Variants in COL6A6 observed in about 807,000 individuals in gnomAD.
COL6A6 encodes collagen type VI alpha 6 chain, also known as collagen alpha-6(VI) chain.
A neutral mutation model predicts 208.6 loss-of-function variants in COL6A6; 183 were observed. That is an observed-to-expected ratio of 0.88 (90% CI 0.78 to 0.99). The LOEUF is 0.99. COL6A6 is among the 50% of genes least tolerant of loss of function. COL6A6 has a pLI of 0.00. For missense variants in COL6A6, 2,816 were observed against 2,815.2 expected, an observed-to-expected ratio of 1.00 and a Z score of -0.01; for synonymous variants, 973 against 1,011.8, an observed-to-expected ratio of 0.96 and a Z score of 0.73.
chr3:130,606,864 G>T (rs1172323528), intron 20 of COL6A6, 67 bp from the exon 21 acceptor site: 1 of 1,269,650 alleles, frequency 7.9e-7, no homozygotes, highest in Non-Finnish European at 1.1e-6. Flanking sequence ...TGTCCATTAT[G>T]AATTTAAATC....
At chr3:130,623,406 C>T (rs1197755589) in intron 24 of COL6A6, among the ~76,000 whole-genome samples, 1 of 152,134 alleles carries the variant, frequency 6.6e-6, no homozygotes, top group East Asian at 1.9e-4. Flanking sequence ...TTGTAATGAG[C>T]CAAGATCCTG....
chr3:130,667,647 G>C (rs1020438401), intron 36 of COL6A6, among the ~76,000 whole-genome samples: 2 of 152,088 alleles, frequency 1.3e-5, no homozygotes, highest in African/African-American at 4.8e-5. Context: ...GGTTTTAACA[G>C]AAAAAGTTCT....
At position 130,517,207 on chromosome 3, in the gene COL6A6, C is replaced by G. The variant is rs1474778781; in HGVS notation, c.-222C>G. On this transcript the variant is annotated 5_prime_UTR_variant, in exon 1 of 37. Transcript: ENST00000358511. ...CCGCTTGCCTGCGGGACACCGGAGT[C>G]AAGAGGCTGCCCACGCCGCTGCCTG... Among the ~76,000 whole-genome samples, 1 of 152,218 alleles carries G rather than the reference C, an allele frequency of 6.6e-6. No individual in the cohort carries two copies. The highest frequency in any genetic ancestry group is 2.4e-5 in the African/African-American group (1 of 41,460).
intron 36 of COL6A6, among the ~76,000 whole-genome samples, 198 bp from the exon 37 acceptor site, chr3:130,675,004 A>G (rs1352962579): frequency 1.3e-5 from 2 of 152,232 alleles, no homozygotes; most frequent in African/African-American, 4.8e-5. Context: ...ACTTTTGCAT[A>G]CTTTGATGAG....
intron 10 of COL6A6, among the ~76,000 whole-genome samples, chr3:130,584,740 G>C (rs958318304): frequency 2.0e-5 from 3 of 151,764 alleles, no homozygotes; most frequent in Admixed American, 2.0e-4. Flanking sequence ...TCAGCCTCCC[G>C]AGTAGCTGGG....
At chr3:130,526,655 A>C (rs2061967901) in intron 1 of COL6A6, among the ~76,000 whole-genome samples, 1 of 152,164 alleles carries the variant, frequency 6.6e-6, no homozygotes, top group Non-Finnish European at 1.5e-5. Flanking sequence ...CATTTAAAAC[A>C]TGTTTTGAAG....
rs878947969 is a variant in COL6A6 at position 130,676,330 on chromosome 3, G to GT, written c.*937dup. On this transcript the variant is annotated 3_prime_UTR_variant, in exon 37 of 37. Coordinates refer to ENST00000358511, the MANE Select transcript of COL6A6 (RefSeq NM_001102608.3). ...TTTAGAAAAATGTAAGAAAATCATT[G>GT]TTTTAATCTACAAATTCATATGCAG... is the stretch of plus-strand genomic sequence containing the variant. 6.6e-6 allele frequency: 1 copy of GT among 152,170 alleles called. No homozygotes were observed. The highest frequency in any genetic ancestry group is 2.1e-4 in the South Asian group (1 of 4,828). The allele number at this position is 152,170 out of a possible 1,614,324, so 9.4% of individuals were successfully genotyped here.
intron 8 of COL6A6, among the ~76,000 whole-genome samples, chr3:130,576,205 T>G (rs1189013923): frequency 6.6e-6 from 1 of 152,152 alleles, no homozygotes; most frequent in Non-Finnish European, 1.5e-5. Flanking sequence ...TGCTTTAGAA[T>G]TTCCAGGATT....
Position 130,565,586 on chromosome 3 carries a change from T to C in COL6A6, c.1254T>C (p.Phe418=). Residue 418 remains phenylalanine, a synonymous_variant, in exon 4 of 37, where the codon TTT becomes TTC. Coordinates refer to ENST00000358511, the MANE Select transcript of COL6A6 (RefSeq NM_001102608.3). ...RNQITHTVSV[F]SERTETLKSG... ...AAATAACACACACAGTCTCTGTCTT[T>C]TCAGAGAGGACTGAAACGCTCAAAT... is the stretch of plus-strand genomic sequence containing the variant. 2 of 1,613,224 alleles carry C rather than the reference T, an allele frequency of 1.2e-6. No homozygotes were observed. The highest frequency in any genetic ancestry group is 1.7e-6 in the Non-Finnish European group (2 of 1,179,546).
chr3:130,541,225 T>C (rs1415794119), intron 1 of COL6A6, among the ~76,000 whole-genome samples: 1 of 152,244 alleles, frequency 6.6e-6, no homozygotes, highest in East Asian at 1.9e-4. Context: ...TCAAGATCAC[T>C]GATCATTGGA....
In COL6A6 at chr3:130,627,379, G is replaced by A. The variant is rs2064922815; in HGVS notation, c.4992+10G>A. On this transcript the variant is annotated intron_variant, in intron 26 of 36. Transcript: ENST00000358511. ...ACGCAAGGGAGCAAAGGTAAGTCAA[G>A]TCTGCTGGAAGCTGGACGTTTTCCA... The A allele has an allele frequency of 3.1e-6, 5 of 1,613,222 alleles. No individual in the cohort carries two copies. In the East Asian group the frequency reaches 1.1e-4, roughly 36 times the overall value.
Position 130,593,101 on chromosome 3 carries a change from A to G in COL6A6, c.4412A>G (p.Glu1471Gly). 6.2e-7 allele frequency: 1 copy of G among 1,613,676 alleles called. No individual in the cohort carries two copies. Among genetic ancestry groups the G allele is most frequent in the Non-Finnish European group, 8.5e-7 (1 of 1,179,612 alleles). ...GENGIDGLNG[E>G]QGDNGLPGRK... ...AATGGAATTGACGGATTAAACGGAG[A>G]ACAGGTAGAGCCTTCTTGTACCATA... Residue 1471 changes from glutamate to glycine, a missense_variant, in exon 16 of 37, where the codon GAA (glutamate) becomes GGA (glycine). Glu to Gly is a moderately conservative substitution (Grantham distance 98). Transcript: ENST00000358511.
intron 24 of COL6A6, among the ~76,000 whole-genome samples, chr3:130,624,747 G>A (rs2108286812): frequency 6.6e-6 from 1 of 152,238 alleles, no homozygotes; most frequent in African/African-American, 2.4e-5. Flanking sequence ...GGGGTCGGGG[G>A]CAGGTCAAGA....
intron 28 of COL6A6, among the ~76,000 whole-genome samples, chr3:130,636,193 C>T (rs2065106114): frequency 1.4e-5 from 2 of 147,422 alleles, no homozygotes; most frequent in Non-Finnish European, 1.5e-5. Context: ...AAGGTCTTCT[C>T]ATTTAGCTCA....
chr3:130,652,155 G>A (rs143448475), intron 33 of COL6A6, among the ~76,000 whole-genome samples: 25 of 152,278 alleles, frequency 1.6e-4, no homozygotes, highest in African/African-American at 4.8e-4. Context: ...TAGTTTATTG[G>A]TCCCTGCCAT....
At chr3:130,639,522 A>G in intron 28 of COL6A6, among the ~76,000 whole-genome samples, 1 of 152,034 alleles carries the variant, frequency 6.6e-6, no homozygotes, top group Non-Finnish European at 1.5e-5. Flanking sequence ...GCCAAACCCC[A>G]TCTCTACAAA....
At chr3:130,670,115 A>G (rs1014325985) in intron 36 of COL6A6, among the ~76,000 whole-genome samples, 10 of 152,238 alleles carry the variant, frequency 6.6e-5, no homozygotes, top group African/African-American at 2.4e-4. Context: ...TGTCCAGGGA[A>G]ACTGTCCAGC....
chr3:130,577,888 T>TGG (rs1278903333), intron 8 of COL6A6, among the ~76,000 whole-genome samples: 3 of 152,178 alleles, frequency 2.0e-5, no homozygotes, highest in African/African-American at 7.2e-5. Context: ...TGTGGAGTAA[T>TGG]GGGGTTAATT....
intron 18 of COL6A6, among the ~76,000 whole-genome samples, chr3:130,597,350 A>G (rs1158666102): frequency 6.6e-6 from 1 of 152,258 alleles, no homozygotes. Context: ...TATCAGTGTT[A>G]TAAAGTAAAT....
Sources: gnomAD v4.1 joint callset for allele counts (sites outside exome capture counted in the v4.1 genomes callset) on GRCh38, gnomAD v4.1.1 for gene constraint, MANE v1.5 for transcripts, NCBI Gene and HGNC (gene_info 2026-07-23, HGNC 2026-07-21) for gene names.